SLC30A8: variants seen among roughly 807,000 people sequenced by gnomAD.
SLC30A8 encodes proton-coupled zinc antiporter SLC30A8.
In SLC30A8, 27 loss-of-function variants were observed where a neutral mutation model predicts 36.9. The observed-to-expected ratio is 0.73, with a 90% confidence interval of 0.54 to 1.01. The LOEUF (loss-of-function observed/expected upper bound fraction) is 1.01. Among genes scored for constraint, SLC30A8 ranks in the 50% least tolerant of loss-of-function variants. SLC30A8 has a pLI of 0.00. For synonymous variants in SLC30A8, 164 were observed against 172.4 expected (o/e 0.95, Z 0.38); for missense variants, 439 against 452.0 (o/e 0.97, Z 0.26).
intron 5 of SLC30A8, 114 bp downstream of exon 5, chr8:117,162,002 T>C: frequency 1.1e-6 from 1 of 901,700 alleles, no homozygotes; most frequent in East Asian, 2.8e-5. Flanking sequence ...CTATACAAAC[T>C]ACTTTGCAAA....
intron 2 of SLC30A8, among the ~76,000 whole-genome samples, chr8:117,044,016 A>G (rs1339023343): frequency 2.0e-5 from 3 of 152,222 alleles, no homozygotes; most frequent in African/African-American, 7.2e-5. Context: ...AGTAGTTATT[A>G]TATAGTGTTG....
chr8:117,141,945 C>T (rs1167435484), intron 1 of SLC30A8, among the ~76,000 whole-genome samples: 1 of 152,046 alleles, frequency 6.6e-6, no homozygotes, highest in Admixed American at 6.5e-5. Flanking sequence ...ATCATTATTC[C>T]TATTTTCAGA....
chr8:117,124,750 C>T (rs941817099), intron 2 of SLC30A8, among the ~76,000 whole-genome samples: 3 of 150,660 alleles, frequency 2.0e-5, no homozygotes, highest in African/African-American at 7.3e-5. Context: ...AAACATTGAG[C>T]ACATTATGTA....
intron 1 of SLC30A8, among the ~76,000 whole-genome samples, chr8:117,007,970 A>G (rs1440775699): frequency 2.0e-5 from 3 of 152,234 alleles, no homozygotes; most frequent in South Asian, 2.1e-4. Context: ...GTAAAATGAT[A>G]TATGGTAATG....
chr8:117,084,797 G>A (rs925555678), intron 2 of SLC30A8, among the ~76,000 whole-genome samples: 4 of 152,126 alleles, frequency 2.6e-5, no homozygotes, highest in African/African-American at 7.2e-5. Flanking sequence ...CAAGGACATC[G>A]TGCCTCAAGG....
intron 1 of SLC30A8, among the ~76,000 whole-genome samples, chr8:117,014,800 T>G (rs1232254391): frequency 6.6e-6 from 1 of 152,070 alleles, no homozygotes; most frequent in Non-Finnish European, 1.5e-5. Context: ...CTTCCTCAGT[T>G]CCCTGCTATA....
intron 2 of SLC30A8, among the ~76,000 whole-genome samples, chr8:117,091,662 G>C (rs1176051281): frequency 6.6e-6 from 1 of 152,132 alleles, no homozygotes; most frequent in East Asian, 1.9e-4. Context: ...ACTAGAAATA[G>C]ATGAATAAAA....
At chr8:116,952,507 T>G (rs1814029730) in intron 1 of SLC30A8, among the ~76,000 whole-genome samples, 1 of 151,958 alleles carries the variant, frequency 6.6e-6, no homozygotes, top group South Asian at 2.1e-4. Context: ...TGCAGAGGCA[T>G]GATTTCTGCT....
intron 2 of SLC30A8, among the ~76,000 whole-genome samples, chr8:117,074,286 T>C (rs1323764002): frequency 6.6e-6 from 1 of 152,182 alleles, no homozygotes; most frequent in East Asian, 1.9e-4. Flanking sequence ...CTGTGGACTT[T>C]GCATACAATG....
chr8:117,153,061 A>C lies in SLC30A8; in HGVS notation c.389A>C (p.Lys130Thr), dbSNP rs1822273628. The C allele has an allele frequency of 6.2e-7, 1 of 1,612,236 alleles. No individual in the cohort carries two copies. Among genetic ancestry groups the C allele is most frequent in the Non-Finnish European group, 8.5e-7 (1 of 1,178,720 alleles). ...SLWLSSKPPS[K>T]RLTFGWHRAE... Reference sequence around the variant, plus strand: ...TGGTTGTCATCGAAGCCTCCCTCTAAGCGGCTGACATTTGGATGGCACCGA... The same window carrying C: ...TGGTTGTCATCGAAGCCTCCCTCTACGCGGCTGACATTTGGATGGCACCGA... The change falls in exon 3 of 8, where the codon AAG becomes ACG. Residue 130 changes from lysine (K) to threonine (T), a missense_variant. By Grantham distance (78) the Lys-to-Thr change is moderately conservative. Transcript: ENST00000456015.
chr8:117,126,240 CATG>C (rs1820899189), intron 2 of SLC30A8, among the ~76,000 whole-genome samples: 2 of 151,810 alleles, frequency 1.3e-5, no homozygotes, highest in Non-Finnish European at 2.9e-5. Flanking sequence ...GAATTGCCTA[CATG>C]ATAACAGGCT....
intron 2 of SLC30A8, among the ~76,000 whole-genome samples, chr8:117,104,640 C>A (rs1432647744): frequency 6.6e-6 from 1 of 152,074 alleles, no homozygotes; most frequent in Non-Finnish European, 1.5e-5. Context: ...GATCCAGACC[C>A]CAAGAGAGGA....
intron 2 of SLC30A8, among the ~76,000 whole-genome samples, chr8:117,105,286 A>G (rs1465157276): frequency 6.6e-6 from 1 of 152,090 alleles, no homozygotes; most frequent in Admixed American, 6.6e-5. Flanking sequence ...TTTTTCTATC[A>G]TGCACCTAAA....
chr8:117,012,724 TACACACACAC>T (rs376889831), intron 1 of SLC30A8, among the ~76,000 whole-genome samples: 31 of 126,392 alleles, frequency 2.5e-4, no homozygotes, highest in African/African-American at 6.7e-4. Context: ...GACATATGTA[TACACACACAC>T]ACACACACAC....
chr8:116,983,334 G>C (rs1242025363), intron 1 of SLC30A8, among the ~76,000 whole-genome samples: 1 of 152,052 alleles, frequency 6.6e-6, no homozygotes, highest in African/African-American at 2.4e-5. Context: ...AATGATCAGA[G>C]GCTGTGAGCT....
intron 1 of SLC30A8, among the ~76,000 whole-genome samples, chr8:116,982,735 G>A (rs1044084794): frequency 7.2e-5 from 11 of 152,022 alleles, no homozygotes; most frequent in East Asian, 1.9e-4. Flanking sequence ...TCTCTCACAC[G>A]TGAAACATTA....
At chr8:117,139,261 A>C (rs966786887) in intron 1 of SLC30A8, among the ~76,000 whole-genome samples, 3 of 152,092 alleles carry the variant, frequency 2.0e-5, no homozygotes, top group Admixed American at 6.6e-5. Context: ...GCCTCTAAGG[A>C]AGTAATTAAG....
At chr8:117,157,879 G>A in intron 4 of SLC30A8, 35 bp downstream of exon 4, 1 of 1,609,460 alleles carries the variant, frequency 6.2e-7, no homozygotes, top group South Asian at 1.1e-5. Flanking sequence ...CACTGCTCAT[G>A]AGGCTCTCCT....
intron 2 of SLC30A8, among the ~76,000 whole-genome samples, chr8:117,084,598 T>C (rs766034798): frequency 6.6e-6 from 1 of 152,182 alleles, no homozygotes; most frequent in Non-Finnish European, 1.5e-5. Context: ...GCACCACTTT[T>C]ACAGGTAGAA....
Sources: gnomAD v4.1 joint callset for allele counts (sites outside exome capture counted in the v4.1 genomes callset) on GRCh38, gnomAD v4.1.1 for gene constraint, MANE v1.5 for transcripts, NCBI Gene and HGNC (gene_info 2026-07-23, HGNC 2026-07-21) for gene names.